Variants in PHF2 observed in about 807,000 individuals in gnomAD.
PHF2 encodes lysine-specific demethylase PHF2.
Under a neutral mutation model 120.5 loss-of-function variants are expected in PHF2, and 27 were observed. The ratio of observed to expected loss-of-function variants is 0.22; its 90% CI spans 0.17 to 0.31. The LOEUF is 0.31. Among genes scored for constraint, PHF2 ranks in the 10% least tolerant of loss-of-function variants. PHF2 has a pLI of 1.00. For synonymous variants in PHF2, 568 were observed against 592.5 expected (o/e 0.96, Z 0.60); for missense variants, 1,024 against 1,434.8 (o/e 0.71, Z 4.63).
At position 93,656,085 on chromosome 9, in the gene PHF2, C is replaced by G. The variant is rs73523904; in HGVS notation, c.1040+64C>G. 3.6e-6 allele frequency: 5 copies of G among 1,398,222 alleles called. No individual in the cohort carries two copies. In the Admixed American group the frequency reaches 5.7e-5, roughly 16 times the overall value. 86.6% of individuals were successfully genotyped at this position (1,398,222 alleles called of 1,614,324 possible). ...AGCAGCGTCCTCCCTCTAGCTGGGT[C>G]GGTGCTAGATGCCTTGGGCTGAGTC... On this transcript the variant is annotated intron_variant, in intron 8 of 21. Transcript: ENST00000359246. This position sits in a 1 kb window ranked among gnomAD's most constrained non-coding sequence, Gnocchi z 4.1.
At chr9:93,640,063 T>C (rs986856731) in intron 3 of PHF2, among the ~76,000 whole-genome samples, 3 of 152,254 alleles carry the variant, frequency 2.0e-5, no homozygotes, top group African/African-American at 7.2e-5. Flanking sequence ...CAGCATTTCA[T>C]TGTCATGCTG....
intron 1 of PHF2, among the ~76,000 whole-genome samples, chr9:93,582,813 C>T (rs182602333): frequency 2.2e-4 from 34 of 152,300 alleles, no homozygotes; most frequent in South Asian, 1.7e-3. Context: ...TTGGTGTGAG[C>T]CTCATCTTAA....
chr9:93,673,459 G>T, intron 17 of PHF2, 126 bp from the exon 18 acceptor site: 2 of 768,172 alleles, frequency 2.6e-6, no homozygotes, highest in South Asian at 5.3e-5. Context: ...TCTGCTCCAC[G>T]CCCTCTGCCT....
chr9:93,662,148 TG>T (rs1826580669), intron 12 of PHF2, among the ~76,000 whole-genome samples: 1 of 147,308 alleles, frequency 6.8e-6, no homozygotes, highest in African/African-American at 2.6e-5. Flanking sequence ...GATGGATGGA[TG>T]GATAGACAGA....
chr9:93,666,401 G>A (rs976972188), intron 16 of PHF2, among the ~76,000 whole-genome samples: 3 of 152,230 alleles, frequency 2.0e-5, no homozygotes, highest in Admixed American at 6.5e-5. Flanking sequence ...CCATGGCGGT[G>A]TCTCTTTACA....
intron 1 of PHF2, among the ~76,000 whole-genome samples, chr9:93,626,488 T>C (rs1564386452): frequency 6.6e-6 from 1 of 152,216 alleles, no homozygotes. Flanking sequence ...CATACCCTTG[T>C]CTTATTTATG....
intron 3 of PHF2, among the ~76,000 whole-genome samples, chr9:93,639,824 T>C (rs1326805593): frequency 1.3e-5 from 2 of 152,224 alleles, no homozygotes; most frequent in Non-Finnish European, 2.9e-5. Flanking sequence ...GAAAGCTCTC[T>C]AGCTGGGAGC....
chr9:93,672,936 G>T (rs942686662), intron 17 of PHF2, among the ~76,000 whole-genome samples: 1 of 151,768 alleles, frequency 6.6e-6, no homozygotes, highest in Non-Finnish European at 1.5e-5. Flanking sequence ...GTAGGTACAG[G>T]TGTAGATGCA....
intron 1 of PHF2, among the ~76,000 whole-genome samples, chr9:93,608,009 G>GAA (rs33975810): frequency 0.43 from 53,036 of 123,488 alleles, 10,308 homozygotes; most frequent in Non-Finnish European, 0.46. Context: ...GAGAGAGAGA[G>GAA]AAGGAAAGGA....
At chr9:93,583,826 CTTTTTT>C (rs113746371) in intron 1 of PHF2, among the ~76,000 whole-genome samples, 7 of 124,626 alleles carry the variant, frequency 5.6e-5, no homozygotes, top group Non-Finnish European at 1.0e-4. Flanking sequence ...TTTTTCTTTT[CTTTTTT>C]TTTTTTTTTT....
intron 13 of PHF2, 36 bp downstream of exon 13, chr9:93,663,062 GT>G (rs1470134730): frequency 6.2e-7 from 1 of 1,612,850 alleles, no homozygotes; most frequent in South Asian, 1.1e-5. Flanking sequence ...ACGTGTGTGT[GT>G]CAGCTTGGTG....
chr9:93,679,409 C>T lies in PHF2; in HGVS notation c.*1733C>T. 1 of 324,028 alleles carries T rather than the reference C, an allele frequency of 3.1e-6. No homozygotes were observed. The allele number at this position is 324,028 out of a possible 1,614,324, so 20.1% of individuals were successfully genotyped here. On this transcript the variant is annotated 3_prime_UTR_variant, in exon 22 of 22. Transcript: ENST00000359246. Reference sequence around the variant, plus strand: ...GGACATCAAGCTGTTCTCTCTCTCTCTTTTTTTTAATTTTATTATTATTAT... The same window carrying T: ...GGACATCAAGCTGTTCTCTCTCTCTTTTTTTTTTAATTTTATTATTATTAT...
At position 93,620,454 on chromosome 9, in the gene PHF2, T is replaced by G. The variant is rs575523980; in HGVS notation, c.99-9516T>G. Among the ~76,000 whole-genome samples, 5 of 152,354 alleles carry G rather than the reference T, an allele frequency of 3.3e-5. No individual in the cohort carries two copies. The South Asian group carries it at 1.0e-3, about 32-fold the overall frequency. On this transcript the variant is annotated intron_variant, in intron 1 of 21. Transcript: ENST00000359246. ...GAGCTCAGCTCCTGTGAGCCAGCAC[T>G]GTCCCCATGGGCGACAACCTTTGAA...
At chr9:93,661,502 G>T (rs745579818) in intron 12 of PHF2, among the ~76,000 whole-genome samples, 3 of 152,184 alleles carry the variant, frequency 2.0e-5, no homozygotes, top group Non-Finnish European at 4.4e-5. Flanking sequence ...TAGATGGATG[G>T]TTGAATGGAT....
At chr9:93,670,040 C>T (rs1826754413) in intron 17 of PHF2, among the ~76,000 whole-genome samples, 1 of 152,224 alleles carries the variant, frequency 6.6e-6, no homozygotes. Flanking sequence ...GTGCTCACAG[C>T]CACAGGCTTC....
At position 93,663,365 on chromosome 9, in the gene PHF2, G is replaced by A. The variant is rs1564399772; in HGVS notation, c.1819-152G>A. 11 of 672,362 alleles carry A rather than the reference G, an allele frequency of 1.6e-5. No homozygotes were observed. The East Asian group carries it at 2.8e-4, about 17-fold the overall frequency. 41.6% of individuals were successfully genotyped at this position (672,362 alleles called of 1,614,324 possible). ...GAGTCCATGGGGTGCAGGCCCCTGA[G>A]CACCCCGCAGTGGCCCGGGTGGCCA... On this transcript the variant is annotated intron_variant, in intron 13 of 21. Transcript: ENST00000359246.
rs1825558192 is a variant in PHF2 at position 93,607,276 on chromosome 9, T to A, written c.99-22694T>A. ...GGGTTTTTGTTGTTGTTGTTGTTGT[T>A]TTTTGTTTGTTTTGAGACAGGGTCT... is the stretch of plus-strand genomic sequence containing the variant. On this transcript the variant is annotated intron_variant, in intron 1 of 21. Coordinates refer to ENST00000359246, the MANE Select transcript of PHF2 (RefSeq NM_005392.4). Among the ~76,000 whole-genome samples, 3 of 152,022 alleles carry A rather than the reference T, an allele frequency of 2.0e-5. No homozygotes were observed. The South Asian group carries it at 6.2e-4, about 32-fold the overall frequency.
chr9:93,658,195 A>G lies in PHF2; in HGVS notation c.1198A>G (p.Lys400Glu). ...QLPPHLVQGA[K>E]ILNGAFRSWT... is the part of the protein sequence containing the mutation. ...GCCCCCTCATCTAGTCCAAGGAGCT[A>G]AAATTCTCAATGGTGCTTTCCGATC... The change falls in exon 10 of 22, where the codon AAA becomes GAA. Residue 400 changes from lysine to glutamate, a missense_variant. Transcript: ENST00000359246. 1 of 1,613,298 alleles carries G rather than the reference A, an allele frequency of 6.2e-7. No individual in the cohort carries two copies. Among genetic ancestry groups the G allele is most frequent in the Non-Finnish European group, 8.5e-7 (1 of 1,179,748 alleles).
intron 1 of PHF2, among the ~76,000 whole-genome samples, chr9:93,606,565 T>C (rs551409825): frequency 1.2e-4 from 19 of 152,392 alleles, no homozygotes; most frequent in African/African-American, 4.6e-4. Flanking sequence ...GGTTGTTTTC[T>C]TATTGTTGAG....
Sources: allele counts gnomAD v4.1 joint callset (sites outside exome capture counted in the v4.1 genomes callset), GRCh38; gene constraint gnomAD v4.1.1; non-coding constraint Gnocchi (gnomAD v3.1); transcripts MANE v1.5; gene names NCBI Gene and HGNC (gene_info 2026-07-23, HGNC 2026-07-21).